PLCH2: variants seen among roughly 807,000 people sequenced by gnomAD.
The protein encoded by PLCH2 is 1-phosphatidylinositol 4,5-bisphosphate phosphodiesterase eta-2.
A neutral mutation model predicts 134.7 loss-of-function variants in PLCH2; 98 were observed. The ratio of observed to expected loss-of-function variants is 0.73; its 90% confidence interval spans 0.62 to 0.86. PLCH2 has a LOEUF of 0.86. PLCH2 is among the 40% of genes least tolerant of loss of function. The pLI is 0.00. For missense variants in PLCH2, 1,994 were observed against 1,986.6 expected (o/e 1.00, Z -0.07); for synonymous variants, 974 against 827.5 (o/e 1.18, Z -3.04).
rs375051401 is a variant in PLCH2, at chr1:2,504,588, C to T, written c.3626C>T (p.Thr1209Ile). Residue 1209 changes from threonine to isoleucine, a missense_variant, in exon 22 of 22, where the codon ACA (threonine) becomes ATA (isoleucine). Thr to Ile is a moderately conservative substitution (Grantham distance 89). This residue lies in a region of PLCH2 where 900 missense variants were observed against 752.3 expected (regional missense o/e 1.20). Coordinates refer to ENST00000378486, the MANE Select transcript of PLCH2 (RefSeq NM_014638.4). ...KSKSNPNLRA[T>I]GQRPPIPDEL... ...AAATCCAACCCCAACCTTCGGGCTA[C>T]AGGCCAGCGGCCTCCCATACCTGAC... is the stretch of plus-strand genomic sequence containing the variant. The T allele has an allele frequency of 5.6e-6, 9 of 1,612,762 alleles. No individual in the cohort carries two copies. The highest frequency in any genetic ancestry group is 1.3e-5 in the African/African-American group (1 of 75,074).
chr1:2,481,339 G>A (rs1641959702), intron 4 of PLCH2, among the ~76,000 whole-genome samples: 2 of 152,264 alleles, frequency 1.3e-5, no homozygotes, highest in Admixed American at 1.3e-4. Flanking sequence ...GACACAGTCT[G>A]CCTGGGCTGT....
Position 2,502,273 on chromosome 1 carries a change from C to G in PLCH2, c.2823C>G (p.Arg941=). ...CGACCAAGAGCCAGAAGCCGGGCCG[C>G]AGGGGCTTCCCGGAGCTGGTCCTGG... The part of the protein sequence containing the change: ...SAPTKSQKPG[R]RGFPELVLGT... The change falls in exon 21 of 22, where the codon CGC becomes CGG. Residue 941 remains arginine (R), a synonymous_variant. Coordinates refer to ENST00000378486, the MANE Select transcript of PLCH2 (RefSeq NM_014638.4). 1 of 1,539,986 alleles carries G rather than the reference C, an allele frequency of 6.5e-7. No homozygotes were observed. Among genetic ancestry groups the G allele is most frequent in the Non-Finnish European group, 8.7e-7 (1 of 1,143,940 alleles).
intron 9 of PLCH2, 22 bp from the exon 10 acceptor site, chr1:2,489,738 C>T: frequency 6.3e-7 from 1 of 1,576,084 alleles, no homozygotes; most frequent in South Asian, 1.1e-5. Flanking sequence ...GGGCCCCTCC[C>T]ATCATGCACC....
At chr1:2,456,132 G>C (rs1389400651) in intron 2 of PLCH2, among the ~76,000 whole-genome samples, 1 of 152,220 alleles carries the variant, frequency 6.6e-6, no homozygotes, top group Non-Finnish European at 1.5e-5. Context: ...TTGGGATGCG[G>C]AGCCCAGAGG....
At chr1:2,455,107 G>T (rs182127891) in intron 2 of PLCH2, among the ~76,000 whole-genome samples, 1 of 152,184 alleles carries the variant, frequency 6.6e-6, no homozygotes, top group South Asian at 2.1e-4. Context: ...AGCCCCCAGC[G>T]GAGCCGGGAC....
chr1:2,426,581 G>A (rs1414690420), intron 1 of PLCH2, among the ~76,000 whole-genome samples: 4 of 152,194 alleles, frequency 2.6e-5, no homozygotes, highest in African/African-American at 4.8e-5. Flanking sequence ...CTGGCCCCTC[G>A]CGGTCTTCCC....
rs189948065 is a variant in PLCH2, at chr1:2,432,709, C to T, written c.115+2080C>T. ...GGAGCCTTCACTCCTGATCCCTGAGCCTCTCAGTGCCTGGGGCCGGATGCC... is the reference window on the plus strand; with the variant it reads ...GGAGCCTTCACTCCTGATCCCTGAGTCTCTCAGTGCCTGGGGCCGGATGCC... On this transcript the variant is annotated intron_variant, in intron 2 of 3. Coordinates refer to the PLCH2 transcript ENST00000609981. Among the ~76,000 whole-genome samples the T allele has an allele frequency of 1.3e-3, 192 of 152,260 alleles. 4 individuals carry two copies. Among genetic ancestry groups the T allele is most frequent in the Non-Finnish European group, 4.9e-4 (33 of 68,000 alleles).
intron 2 of PLCH2, among the ~76,000 whole-genome samples, chr1:2,454,226 T>C (rs1484603758): frequency 6.6e-6 from 1 of 152,140 alleles, no homozygotes; most frequent in Non-Finnish European, 1.5e-5. Flanking sequence ...CCTGCAGCAC[T>C]GGAGGTGACC....
intron 2 of PLCH2, among the ~76,000 whole-genome samples, chr1:2,457,551 C>G (rs548588920): frequency 6.6e-6 from 1 of 152,130 alleles, no homozygotes; most frequent in Non-Finnish European, 1.5e-5. Flanking sequence ...CTGTGTGTTG[C>G]GGGACGGGGC....
At chr1:2,491,564 G>C (rs929143660) in intron 11 of PLCH2, among the ~76,000 whole-genome samples, 2 of 152,248 alleles carry the variant, frequency 1.3e-5, no homozygotes, top group Non-Finnish European at 2.9e-5. Context: ...CTGCCCAGCT[G>C]GGGGGACATG....
intron 2 of PLCH2, among the ~76,000 whole-genome samples, chr1:2,459,562 C>T (rs1392688236): frequency 1.4e-5 from 2 of 140,320 alleles, no homozygotes; most frequent in East Asian, 2.1e-4. Flanking sequence ...CCTGGTGGTC[C>T]TCCTTGCCGG....
At chr1:2,416,332 T>C in the PLCH2 span, among the ~76,000 whole-genome samples, 1 of 152,186 alleles carries the variant, frequency 6.6e-6, no homozygotes, top group Non-Finnish European at 1.5e-5. Flanking sequence ...GTCCCCTCCC[T>C]TCTCTTTAGC....
chr1:2,475,551 G>A (rs113336587), upstream of PLCH2, among the ~76,000 whole-genome samples: 697 of 152,350 alleles, frequency 4.6e-3, 1 homozygote, highest in Non-Finnish European at 7.0e-3. Context: ...CCTGGTGGCA[G>A]TGGGACCTGG....
chr1:2,478,499 C>A lies in PLCH2; in HGVS notation c.148C>A (p.Gln50Lys). Reference sequence around the variant, plus strand: ...AGTGGAGCGGTGCATGGGTGCCATGCAAGAGGGGATGCAGATGGTGAAGCT... The same window carrying A: ...AGTGGAGCGGTGCATGGGTGCCATGAAAGAGGGGATGCAGATGGTGAAGCT... ...PLVERCMGAM[Q>K]EGMQMVKLRG... The change falls in exon 2 of 22, where the codon CAA becomes AAA. Residue 50 changes from glutamine to lysine, a missense_variant. This residue lies in a region of PLCH2 where 1,094 missense variants were observed against 1,234.3 expected (regional missense o/e 0.89). Transcript: ENST00000378486. The A allele has an allele frequency of 6.2e-7, 1 of 1,612,872 alleles. No individual in the cohort carries two copies. The highest frequency in any genetic ancestry group is 1.3e-5 in the African/African-American group (1 of 75,052).
At position 2,503,949 on chromosome 1, in the gene PLCH2, C is replaced by A; in HGVS notation, c.2987C>A (p.Pro996Gln). 1.4e-6 allele frequency: 2 copies of A among 1,392,868 alleles called. No individual in the cohort carries two copies. Among genetic ancestry groups the A allele is most frequent in the Non-Finnish European group, 9.9e-7 (1 of 1,007,700 alleles). 86.3% of individuals were successfully genotyped at this position (1,392,868 alleles called of 1,614,324 possible). A position where few individuals can be genotyped will look rare whatever the true frequency, so the allele number is the denominator to read the frequency against. Residue 996 changes from proline (P) to glutamine (Q), a missense_variant, in exon 22 of 22, where the codon CCA (proline) becomes CAA (glutamine). This residue lies in a region of PLCH2 where 900 missense variants were observed against 752.3 expected (regional missense o/e 1.20). Coordinates refer to ENST00000378486, the MANE Select transcript of PLCH2 (RefSeq NM_014638.4). ...ACCCGCCCCCTCTCCACGCAGCGGCCACTCCCCCCACTGTGCAGCCTGGAA... is the reference window on the plus strand; with the variant it reads ...ACCCGCCCCCTCTCCACGCAGCGGCAACTCCCCCCACTGTGCAGCCTGGAA... ...RDTRPLSTQRPLPPLCSLETI... is the reference protein window; with the variant it reads ...RDTRPLSTQRQLPPLCSLETI...
chr1:2,502,642 G>T (rs1211376944), intron 21 of PLCH2: 2 of 679,240 alleles, frequency 2.9e-6, no homozygotes, highest in South Asian at 3.3e-5. Flanking sequence ...ACTCACTGGG[G>T]GCCCCCTGCT....
In PLCH2 at chr1:2,505,285, C is replaced by A; in HGVS notation, c.*72C>A. ...GTGGGCGTGTTGTTTGCTCAGGAAA[C>A]AGGGCAGCCAGGCCCCCAAAACTGT... On this transcript the variant is annotated 3_prime_UTR_variant, in exon 22 of 22. Coordinates refer to ENST00000378486, the MANE Select transcript of PLCH2 (RefSeq NM_014638.4). 1.7e-6 allele frequency: 2 copies of A among 1,192,078 alleles called. No homozygotes were observed. The highest frequency in any genetic ancestry group is 2.3e-6 in the Non-Finnish European group (2 of 858,802). 73.8% of individuals were successfully genotyped at this position (1,192,078 alleles called of 1,614,324 possible). A position where few individuals can be genotyped will look rare whatever the true frequency, so the allele number is the denominator to read the frequency against.
At chr1:2,485,641 G>A (rs926926176) in intron 5 of PLCH2, among the ~76,000 whole-genome samples, 2 of 151,290 alleles carry the variant, frequency 1.3e-5, no homozygotes, top group African/African-American at 4.9e-5. Flanking sequence ...GCCTCAGCCT[G>A]GGGGTGCTGC....
intron 2 of PLCH2, among the ~76,000 whole-genome samples, chr1:2,447,937 C>T (rs1042163452): frequency 3.3e-5 from 5 of 152,236 alleles, no homozygotes; most frequent in Non-Finnish European, 7.3e-5. Flanking sequence ...CACTCGGCCC[C>T]TGCTTATCCC....
Sources: allele counts gnomAD v4.1 joint callset (sites outside exome capture counted in the v4.1 genomes callset), GRCh38; gene constraint gnomAD v4.1.1; regional missense constraint gnomAD v4.1.1; transcripts MANE v1.5; gene names NCBI Gene and HGNC (gene_info 2026-07-23, HGNC 2026-07-21).